CDC42BPA: variants seen among roughly 807,000 people sequenced by gnomAD.
CDC42BPA encodes the protein serine/threonine-protein kinase MRCK alpha.
In CDC42BPA, 80 loss-of-function variants were observed where a neutral mutation model predicts 223.5. That is an observed-to-expected ratio of 0.36 (90% confidence interval 0.30 to 0.43). The LOEUF is 0.43. CDC42BPA is among the 20% of genes least tolerant of loss of function. The probability of loss-of-function intolerance (pLI) is 1.00; values close to 1 mark genes in which losing one functional copy is unlikely to be tolerated. For synonymous variants in CDC42BPA, 694 were observed against 718.6 expected (o/e 0.97, Z 0.55); for missense variants, 1,743 against 2,099.9 (o/e 0.83, Z 3.32).
At chr1:227,062,840 A>C (rs1385423898) in intron 21 of CDC42BPA, among the ~76,000 whole-genome samples, 1 of 152,030 alleles carries the variant, frequency 6.6e-6, no homozygotes, top group Non-Finnish European at 1.5e-5. Context: ...TAAAAAAAAA[A>C]AAAACTTTTT....
chr1:227,317,534 C>T lies in CDC42BPA; in HGVS notation c.-352G>A. The T allele has an allele frequency of 2.5e-6, 1 of 394,892 alleles. No homozygotes were observed. Among genetic ancestry groups the T allele is most frequent in the Non-Finnish European group, 4.5e-6 (1 of 224,678 alleles). The allele number at this position is 394,892 out of a possible 1,614,324, so 24.5% of individuals were successfully genotyped here. ...TTTAAAAAAAAAAAAAAAAACTCTTCTCCTTCATTCAAAATTCAACTCGTG... is the reference window on the plus strand; with the variant it reads ...TTTAAAAAAAAAAAAAAAAACTCTTTTCCTTCATTCAAAATTCAACTCGTG... On this transcript the variant is annotated 5_prime_UTR_variant, in exon 1 of 37. Transcript: ENST00000366766.
chr1:227,180,837 T>G (rs542017068), intron 5 of CDC42BPA, among the ~76,000 whole-genome samples: 1 of 152,326 alleles, frequency 6.6e-6, no homozygotes, highest in East Asian at 1.9e-4. Context: ...ATTAGCATTT[T>G]TGAAGTTATA....
chr1:227,267,769 T>A (rs1685243776), intron 1 of CDC42BPA, among the ~76,000 whole-genome samples: 1 of 152,186 alleles, frequency 6.6e-6, no homozygotes, highest in African/African-American at 2.4e-5. Flanking sequence ...AACCATCAAA[T>A]CTTGTGAGAA....
intron 16 of CDC42BPA, among the ~76,000 whole-genome samples, chr1:227,085,081 G>A (rs1044799997): frequency 1.3e-5 from 2 of 151,978 alleles, no homozygotes; most frequent in Non-Finnish European, 2.9e-5. Flanking sequence ...TACTCTCCTG[G>A]GTCTCCAGCT....
chr1:227,269,237 C>T (rs1276762649), intron 1 of CDC42BPA, among the ~76,000 whole-genome samples: 1 of 152,200 alleles, frequency 6.6e-6, no homozygotes, highest in Non-Finnish European at 1.5e-5. Flanking sequence ...TCTTGTGTGT[C>T]AGTCTGCTGA....
chr1:227,258,307 C>T lies in CDC42BPA; in HGVS notation c.179-4152G>A, dbSNP rs16847527. On this transcript the variant is annotated intron_variant, in intron 1 of 36. Coordinates refer to ENST00000366766, the MANE Select transcript of CDC42BPA (RefSeq NM_001394014.1). ...CACAAAATCACAAAACAAAGGCATC[C>T]TTAAACCGAAACCTAGCTCCCCCAC... 2.6e-3 allele frequency among the ~76,000 whole-genome samples: 389 copies of T among 150,752 alleles called. 9 individuals are homozygous for T. In the East Asian group the frequency reaches 0.047, roughly 18 times the overall value.
At chr1:227,112,238 AC>A in intron 14 of CDC42BPA, 73 bp downstream of exon 14, 1 of 782,694 alleles carries the variant, frequency 1.3e-6, no homozygotes. Flanking sequence ...AATACAGTAT[AC>A]AAGCTAACAC....
Position 227,318,340 on chromosome 1 carries a change from T to G in CDC42BPA, c.-1158A>C, listed in dbSNP as rs1694720827. The G allele has an allele frequency of 6.6e-6, 1 of 152,304 alleles. No individual in the cohort carries two copies. The allele number at this position is 152,304 out of a possible 1,614,324, so 9.4% of individuals were successfully genotyped here. On this transcript the variant is annotated 5_prime_UTR_variant, in exon 1 of 37. Transcript: ENST00000366766. Reference sequence around the variant, plus strand: ...TTCCGCGGCTGAGGAGACTAGAGGCTGCGGCAGCCCGGCTCCCAACCACTC... The same window carrying G: ...TTCCGCGGCTGAGGAGACTAGAGGCGGCGGCAGCCCGGCTCCCAACCACTC...
intron 2 of CDC42BPA, among the ~76,000 whole-genome samples, chr1:227,246,266 G>A (rs1217369054): frequency 3.3e-5 from 5 of 152,216 alleles, no homozygotes; most frequent in African/African-American, 1.2e-4. Context: ...TTTGTATTGT[G>A]GTTTGAATGC....
At chr1:227,145,368 C>T (rs1275551487) in intron 8 of CDC42BPA, 121 bp downstream of exon 8, 2 of 764,870 alleles carry the variant, frequency 2.6e-6, no homozygotes, top group Non-Finnish European at 4.1e-6. Flanking sequence ...GCCATGATCA[C>T]TGACTAATAA....
chr1:227,062,865 TCTAGA>T (rs1202785950), intron 21 of CDC42BPA, among the ~76,000 whole-genome samples: 1 of 151,998 alleles, frequency 6.6e-6, no homozygotes, highest in Non-Finnish European at 1.5e-5. Context: ...TATCTCTACT[TCTAGA>T]CTAGAGTCTG....
At chr1:227,132,312 T>G (rs1468234059) in intron 10 of CDC42BPA, among the ~76,000 whole-genome samples, 2 of 152,164 alleles carry the variant, frequency 1.3e-5, no homozygotes, top group Admixed American at 1.3e-4. Context: ...CGTATTTTTT[T>G]GGTGGAGACG....
At chr1:227,221,448 C>G (rs780031455) in intron 2 of CDC42BPA, among the ~76,000 whole-genome samples, 1 of 152,168 alleles carries the variant, frequency 6.6e-6, no homozygotes, top group Non-Finnish European at 1.5e-5. Context: ...CAAACTCACT[C>G]AAGTTGCAAA....
Position 226,991,082 on chromosome 1 carries a change from G to C in CDC42BPA, c.*3186C>G, listed in dbSNP as rs901586792. The C allele has an allele frequency of 1.3e-5, 2 of 152,468 alleles. No homozygotes were observed. The highest frequency in any genetic ancestry group is 1.3e-4 in the Admixed American group (2 of 15,268). The allele number at this position is 152,468 out of a possible 1,614,324, so 9.4% of individuals were successfully genotyped here. A position where few individuals can be genotyped will look rare whatever the true frequency, so the allele number is the denominator to read the frequency against. Reference sequence around the variant, plus strand: ...GACAAGAAGCAAGACTTTTGTTTTTGGCAAAAAGAATATATATGTATGTAA... The same window carrying C: ...GACAAGAAGCAAGACTTTTGTTTTTCGCAAAAAGAATATATATGTATGTAA... On this transcript the variant is annotated 3_prime_UTR_variant, in exon 37 of 37. Coordinates refer to ENST00000366766, the MANE Select transcript of CDC42BPA (RefSeq NM_001394014.1).
At chr1:227,068,369 A>C (rs936653729) in intron 21 of CDC42BPA, 2 of 152,764 alleles carry the variant, frequency 1.3e-5, no homozygotes, top group African/African-American at 4.8e-5. Flanking sequence ...TATATATATA[A>C]AAAATAATTA....
intron 1 of CDC42BPA, among the ~76,000 whole-genome samples, chr1:227,314,563 A>G (rs1694053919): frequency 6.6e-6 from 1 of 152,074 alleles, no homozygotes; most frequent in South Asian, 2.1e-4. Context: ...AACTAGGAAT[A>G]AAATGAAATT....
At chr1:227,249,689 T>C (rs1681618977) in intron 2 of CDC42BPA, among the ~76,000 whole-genome samples, 1 of 152,156 alleles carries the variant, frequency 6.6e-6, no homozygotes, top group Non-Finnish European at 1.5e-5. Context: ...AACAGGCATA[T>C]GAAAAAAGTG....
intron 12 of CDC42BPA, among the ~76,000 whole-genome samples, chr1:227,115,019 A>G (rs1357900058): frequency 6.6e-6 from 1 of 152,144 alleles, no homozygotes; most frequent in Non-Finnish European, 1.5e-5. Flanking sequence ...GTGAAGAAGA[A>G]ATGATTTTGC....
rs544265114 is a variant in CDC42BPA, at chr1:227,150,203, G to A, written c.694-2644C>T. Among the ~76,000 whole-genome samples the A allele has an allele frequency of 7.3e-5, 10 of 136,478 alleles. No individual in the cohort carries two copies. In the South Asian group the frequency reaches 7.3e-4, roughly 10 times the overall value. 89.5% of individuals were successfully genotyped at this position (136,478 alleles called of 152,430 possible). Reference sequence around the variant, plus strand: ...GGCATCACTGCACTCCAGCCTGGGCGACAAGAGTGAAACCCTGTCTCAAAA... The same window carrying A: ...GGCATCACTGCACTCCAGCCTGGGCAACAAGAGTGAAACCCTGTCTCAAAA... On this transcript the variant is annotated intron_variant, in intron 6 of 36. Coordinates refer to ENST00000366766, the MANE Select transcript of CDC42BPA (RefSeq NM_001394014.1).
Sources: allele counts gnomAD v4.1 joint callset (sites outside exome capture counted in the v4.1 genomes callset), GRCh38; gene constraint gnomAD v4.1.1; transcripts MANE v1.5; gene names NCBI Gene and HGNC (gene_info 2026-07-23, HGNC 2026-07-21).